Variants in ITM2C observed in about 807,000 individuals in gnomAD.
The protein encoded by ITM2C is BRICHOS domain containing 2C.
In ITM2C, 20 loss-of-function variants were observed where a neutral mutation model predicts 30.0. That is an observed-to-expected ratio of 0.67 (90% CI 0.47 to 0.97). The LOEUF is 0.97. Among genes scored for constraint, ITM2C ranks in the 50% least tolerant of loss-of-function variants. The pLI is 0.00. For synonymous variants in ITM2C, 167 were observed against 156.4 expected (o/e 1.07, Z -0.51); for missense variants, 366 against 371.9 (o/e 0.98, Z 0.13).
In ITM2C at chr2:230,873,347, T is replaced by A. The variant is rs888022708; in HGVS notation, c.121-70T>A. 7 of 1,420,208 alleles carry A rather than the reference T, an allele frequency of 4.9e-6. No individual in the cohort carries two copies. The South Asian group carries it at 8.2e-5, about 17-fold the overall frequency. The allele number at this position is 1,420,208 out of a possible 1,614,324, so 88.0% of individuals were successfully genotyped here. Reference sequence around the variant, plus strand: ...CCGGGCCCAGCCAGCAGGTGAAGCCTGACTTAGGGAAGGGGGGATTTCCAG... The same window carrying A: ...CCGGGCCCAGCCAGCAGGTGAAGCCAGACTTAGGGAAGGGGGGATTTCCAG... On this transcript the variant is annotated intron_variant, in intron 1 of 5. Transcript: ENST00000326427.
intron 2 of ITM2C, among the ~76,000 whole-genome samples, chr2:230,874,498 T>G (rs1471745989): frequency 2.6e-5 from 4 of 152,028 alleles, no homozygotes; most frequent in African/African-American, 9.7e-5. Context: ...TCCCCTCTGT[T>G]CCACCCTCGA....
At chr2:230,876,552 G>C (rs897622193) in intron 3 of ITM2C, among the ~76,000 whole-genome samples, 9 of 152,118 alleles carry the variant, frequency 5.9e-5, no homozygotes, top group Admixed American at 2.0e-4. Context: ...CACGATCTCG[G>C]CTCACTGCAA....
rs1697018836 is a variant in ITM2C at position 230,865,972 on chromosome 2, A to ACCCCTGTCC, written c.120+827_120+828insCCCCTGTCC. On this transcript the variant is annotated intron_variant, in intron 1 of 5. Transcript: ENST00000326427. The surrounding 1 kb of genome is among the most constrained non-coding windows in gnomAD (Gnocchi z 6.8). ...CTGTGCGCGTTCCCCCACCCCTGTC[A>ACCCCTGTCC]TCCCCCTCCCCTACCCCGGCTTCCT... 7.8e-6 allele frequency among the ~76,000 whole-genome samples: 1 copy of ACCCCTGTCC among 128,588 alleles called. No individual in the cohort carries two copies. Among genetic ancestry groups the ACCCCTGTCC allele is most frequent in the Non-Finnish European group, 1.6e-5 (1 of 61,094 alleles). 84.4% of individuals were successfully genotyped at this position (128,588 alleles called of 152,430 possible).
chr2:230,876,344 T>G (rs1412904172), intron 3 of ITM2C, among the ~76,000 whole-genome samples: 1 of 152,184 alleles, frequency 6.6e-6, no homozygotes, highest in Non-Finnish European at 1.5e-5. Flanking sequence ...CTCTATCATG[T>G]GGCACCTTCT....
At chr2:230,868,254 G>A (rs75689999) in intron 1 of ITM2C, among the ~76,000 whole-genome samples, 7,004 of 152,118 alleles carry the variant, frequency 0.046, 211 homozygotes, top group Middle Eastern at 0.078. Context: ...CCAGCTGCCC[G>A]GCCTCCCCCC....
rs1458321745 is a variant in ITM2C, at chr2:230,865,010, G to C, written c.-16G>C. 6.2e-6 allele frequency: 9 copies of C among 1,462,246 alleles called. No homozygotes were observed. Among genetic ancestry groups the C allele is most frequent in the Non-Finnish European group, 8.2e-6 (9 of 1,096,660 alleles). 90.6% of individuals were successfully genotyped at this position (1,462,246 alleles called of 1,614,324 possible). A position where few individuals can be genotyped will look rare whatever the true frequency, so the allele number is the denominator to read the frequency against. ...CCGGCAGAGGCTGCGGGGCGGACGC[G>C]CGGGCCGGCGCAGCCATGGTGAAGA... On this transcript the variant is annotated 5_prime_UTR_variant, in exon 1 of 6. Transcript: ENST00000326427. The surrounding 1 kb of genome is among the most constrained non-coding windows in gnomAD (Gnocchi z 6.8).
chr2:230,872,016 G>A (rs897839422), intron 1 of ITM2C, among the ~76,000 whole-genome samples: 8 of 152,236 alleles, frequency 5.3e-5, no homozygotes, highest in African/African-American at 1.7e-4. Context: ...AGGGGGAAGG[G>A]AGAAAGGAAA....
In ITM2C at chr2:230,865,070, C is replaced by CGACAAGGCT. The variant is rs779138098; in HGVS notation, c.54_62dup (p.Asp19_Ala21dup). The CGACAAGGCT allele has an allele frequency of 6.8e-5, 104 of 1,537,212 alleles. No individual in the cohort carries two copies. The highest frequency in any genetic ancestry group is 1.6e-4 in the African/African-American group (11 of 70,954). ...AGCCCGCCGTGGCTGGCATCAAGGGCGACAAGGCTGACAAGGCGTCGGCGT... is the reference window on the plus strand; with the variant it reads ...AGCCCGCCGTGGCTGGCATCAAGGGCGACAAGGCTGACAAGGCTGACAAGGCGTCGGCGT... On this transcript the variant is annotated inframe_insertion, in exon 1 of 6. Transcript: ENST00000326427. This position sits in a 1 kb window ranked among gnomAD's most constrained non-coding sequence, Gnocchi z 6.8.
At chr2:230,870,264 G>A (rs192218453) in intron 1 of ITM2C, among the ~76,000 whole-genome samples, 7 of 152,380 alleles carry the variant, frequency 4.6e-5, no homozygotes, top group Admixed American at 2.0e-4. Context: ...CAGAGGCAGC[G>A]CTGGGGCGGG....
chr2:230,869,841 C>A (rs936315279), intron 1 of ITM2C, among the ~76,000 whole-genome samples: 18 of 151,894 alleles, frequency 1.2e-4, no homozygotes, highest in Non-Finnish European at 1.6e-4. Context: ...GAGGCCCAGG[C>A]CTCTCTCGGG....
In ITM2C at chr2:230,877,946, T is replaced by C; in HGVS notation, c.713-62T>C. 1 of 1,339,616 alleles carries C rather than the reference T, an allele frequency of 7.5e-7. No individual in the cohort carries two copies. Among genetic ancestry groups the C allele is most frequent in the Non-Finnish European group, 1.1e-6 (1 of 932,706 alleles). The allele number at this position is 1,339,616 out of a possible 1,614,324, so 83.0% of individuals were successfully genotyped here. A position where few individuals can be genotyped will look rare whatever the true frequency, so the allele number is the denominator to read the frequency against. Reference sequence around the variant, plus strand: ...GCCCTCCTGTGGCTCAGGCTGAGGCTGGTGGTCTTTGTGACTCAGCCAGGA... The same window carrying C: ...GCCCTCCTGTGGCTCAGGCTGAGGCCGGTGGTCTTTGTGACTCAGCCAGGA... On this transcript the variant is annotated intron_variant, in intron 5 of 5. Transcript: ENST00000326427. The surrounding 1 kb of genome is among the most constrained non-coding windows in gnomAD (Gnocchi z 4.8).
chr2:230,875,537 G>C (rs1471108935), intron 2 of ITM2C, 83 bp from the exon 3 acceptor site: 1 of 1,242,998 alleles, frequency 8.0e-7, no homozygotes, highest in African/African-American at 1.5e-5. Flanking sequence ...GCATGTAGCG[G>C]ACGGGTAGGC....
At chr2:230,869,849 G>A (rs775253201) in intron 1 of ITM2C, among the ~76,000 whole-genome samples, 1 of 152,174 alleles carries the variant, frequency 6.6e-6, no homozygotes, top group Non-Finnish European at 1.5e-5. Context: ...GGCCTCTCTC[G>A]GGTCCCTGGA....
intron 2 of ITM2C, 107 bp from the exon 3 acceptor site, chr2:230,875,513 C>A (rs1391104781): frequency 1.0e-6 from 1 of 962,716 alleles, no homozygotes; most frequent in Non-Finnish European, 1.6e-6. Flanking sequence ...TTCTTGCTTC[C>A]GCAGGCTTTT....
chr2:230,877,588 G>A lies in ITM2C; in HGVS notation c.712+38G>A, dbSNP rs774698380. The A allele has an allele frequency of 1.6e-5, 25 of 1,608,606 alleles. No homozygotes were observed. The Admixed American group carries it at 2.3e-4, about 15-fold the overall frequency. ...CTTCACCCACAGTAGCCCCTGTCCC[G>A]TGCCCCAGACCACAGTTATCTTCAC... On this transcript the variant is annotated intron_variant, in intron 5 of 5. Transcript: ENST00000326427. The surrounding 1 kb of genome is among the most constrained non-coding windows in gnomAD (Gnocchi z 4.8).
At position 230,873,418 on chromosome 2, in the gene ITM2C, A is replaced by G; in HGVS notation, c.122A>G (p.Glu41Gly). 1 of 1,572,344 alleles carries G rather than the reference A, an allele frequency of 6.4e-7. No homozygotes were observed. The highest frequency in any genetic ancestry group is 8.6e-7 in the Non-Finnish European group (1 of 1,159,484). Reference protein sequence around the residue: ...ATEILLTPAREEQPPQHRSKR... With the variant: ...ATEILLTPARGEQPPQHRSKR... Reference sequence around the variant, plus strand: ...CTGACCCAGCATTGCTATCCACAGGAGGAGCAGCCCCCACAACATCGATCC... The same window carrying G: ...CTGACCCAGCATTGCTATCCACAGGGGGAGCAGCCCCCACAACATCGATCC... The change falls in exon 2 of 6, where the codon GAG becomes GGG. Residue 41 changes from glutamate to glycine, a missense_variant and splice_region_variant. Transcript: ENST00000326427.
At position 230,877,644 on chromosome 2, in the gene ITM2C, G is replaced by A. The variant is rs1689949190; in HGVS notation, c.712+94G>A. 1 of 1,368,372 alleles carries A rather than the reference G, an allele frequency of 7.3e-7. No homozygotes were observed. The allele number at this position is 1,368,372 out of a possible 1,614,324, so 84.8% of individuals were successfully genotyped here. On this transcript the variant is annotated intron_variant, in intron 5 of 5. Transcript: ENST00000326427. This position sits in a 1 kb window ranked among gnomAD's most constrained non-coding sequence, Gnocchi z 4.8. ...GCCCAGCTGTCAGAGAGCTCAGATA[G>A]CAGCAGCAATAACAGCTAGCATTAG...
In ITM2C at chr2:230,865,181, G is replaced by A. The variant is rs975852581; in HGVS notation, c.120+36G>A. 1.2e-5 allele frequency: 16 copies of A among 1,380,210 alleles called. No individual in the cohort carries two copies. The highest frequency in any genetic ancestry group is 1.4e-5 in the Non-Finnish European group (15 of 1,056,200). The allele number at this position is 1,380,210 out of a possible 1,614,324, so 85.5% of individuals were successfully genotyped here. ...CTGGGGCTCAGGCGGTGGGGCGGGG[G>A]ACCCAGGCTCACGACCCAGGCGCGC... On this transcript the variant is annotated intron_variant, in intron 1 of 5. Transcript: ENST00000326427. The surrounding 1 kb of genome is among the most constrained non-coding windows in gnomAD (Gnocchi z 6.8).
intron 3 of ITM2C, 38 bp from the exon 4 acceptor site, chr2:230,876,819 C>A: frequency 7.0e-7 from 1 of 1,428,576 alleles, no homozygotes; most frequent in Non-Finnish European, 9.9e-7. Flanking sequence ...TCAGCTGTCA[C>A]CTCCTGCAGA....
Sources: allele counts gnomAD v4.1 joint callset (sites outside exome capture counted in the v4.1 genomes callset), GRCh38; gene constraint gnomAD v4.1.1; non-coding constraint Gnocchi (gnomAD v3.1); transcripts MANE v1.5; gene names NCBI Gene and HGNC (gene_info 2026-07-23, HGNC 2026-07-21).